Variants in MAPK10 observed in about 807,000 individuals in gnomAD.
MAPK10 encodes the protein mitogen-activated protein kinase 10, also known as JNK3 alpha protein kinase.
Under a neutral mutation model 59.3 loss-of-function variants are expected in MAPK10, and 25 were observed. The observed-to-expected ratio is 0.42, with a 90% confidence interval of 0.31 to 0.59. The LOEUF (loss-of-function observed/expected upper bound fraction) is 0.59, where lower values mean the gene tolerates loss of function less well. Among genes scored for constraint, MAPK10 ranks in the 20% least tolerant of loss-of-function variants. The probability of loss-of-function intolerance (pLI) is 0.15; values close to 1 mark genes in which losing one functional copy is unlikely to be tolerated. For missense variants in MAPK10, 351 were observed against 568.9 expected (o/e 0.62, Z 3.90); for synonymous variants, 190 against 200.5 (o/e 0.95, Z 0.44).
At chr4:86,091,147 C>A (rs888116307) in intron 9 of MAPK10, 1 of 151,460 alleles carries the variant, frequency 6.6e-6, no homozygotes, top group Admixed American at 6.6e-5. Flanking sequence ...CATAGCAAGT[C>A]CCCAATAAAT....
intron 1 of MAPK10, among the ~76,000 whole-genome samples, chr4:86,480,766 A>C (rs928834191): frequency 2.0e-5 from 3 of 152,226 alleles, no homozygotes; most frequent in Non-Finnish European, 4.4e-5. Context: ...TCTTGCAACA[A>C]AAGACAGGTT....
At chr4:86,082,040 T>C (rs1322125494) in intron 9 of MAPK10, 3 of 152,160 alleles carry the variant, frequency 2.0e-5, no homozygotes, top group Non-Finnish European at 4.4e-5. Context: ...TAATGTTAAT[T>C]TTTTAAAAAG....
At chr4:86,227,537 A>C (rs1357968651) in intron 2 of MAPK10, among the ~76,000 whole-genome samples, 1 of 151,980 alleles carries the variant, frequency 6.6e-6, no homozygotes. Flanking sequence ...AGACGCATAG[A>C]TGGTACTATT....
chr4:86,199,819 A>T (rs1010409492), intron 2 of MAPK10, among the ~76,000 whole-genome samples: 1 of 152,030 alleles, frequency 6.6e-6, no homozygotes, highest in Non-Finnish European at 1.5e-5. Flanking sequence ...TTGTGTATGC[A>T]TGGATGTGTA....
intron 1 of MAPK10, among the ~76,000 whole-genome samples, chr4:86,359,256 T>G (rs1287813223): frequency 1.8e-5 from 1 of 56,302 alleles, no homozygotes; most frequent in Non-Finnish European, 4.8e-5. Context: ...TTTGGTGTTT[T>G]TTTTTTCCTC....
intron 1 of MAPK10, among the ~76,000 whole-genome samples, chr4:86,418,571 T>C (rs144564864): frequency 0.013 from 1,956 of 152,334 alleles, 9 homozygotes; most frequent in Non-Finnish European, 0.015. Flanking sequence ...CTCCTCCTTT[T>C]GTTTTTAACA....
At chr4:86,489,847 T>G (rs545831104) in intron 1 of MAPK10, among the ~76,000 whole-genome samples, 1 of 152,278 alleles carries the variant, frequency 6.6e-6, no homozygotes, top group South Asian at 2.1e-4. Flanking sequence ...TCCACCAAAA[T>G]CCACACATCC....
At chr4:86,421,419 G>A (rs1746524374) in intron 1 of MAPK10, among the ~76,000 whole-genome samples, 2 of 152,152 alleles carry the variant, frequency 1.3e-5, no homozygotes, top group South Asian at 4.1e-4. Flanking sequence ...ATCCCTGTTT[G>A]TTGAGACGGT....
At chr4:86,185,927 A>G (rs1362731825) in intron 3 of MAPK10, among the ~76,000 whole-genome samples, 1 of 152,074 alleles carries the variant, frequency 6.6e-6, no homozygotes, top group African/African-American at 2.4e-5. Flanking sequence ...CTAAGTGGAG[A>G]TGTAGAACAG....
intron 2 of MAPK10, among the ~76,000 whole-genome samples, chr4:86,207,549 T>G (rs1443031858): frequency 6.6e-6 from 1 of 152,162 alleles, no homozygotes; most frequent in South Asian, 2.1e-4. Context: ...TGGTTCCATA[T>G]GAACTTTAAA....
chr4:86,027,852 A>G (rs748374138), intron 13 of MAPK10: 3 of 152,218 alleles, frequency 2.0e-5, no homozygotes, highest in Non-Finnish European at 4.4e-5. Context: ...TATAGAAAGG[A>G]AAGATCCTAT....
At chr4:86,532,046 T>C (rs527558812) in intron 1 of MAPK10, among the ~76,000 whole-genome samples, 1 of 147,782 alleles carries the variant, frequency 6.8e-6, no homozygotes, top group East Asian at 2.0e-4. Flanking sequence ...ATTACATATA[T>C]ATATTATTTT....
chr4:86,412,980 G>A (rs918630181), intron 1 of MAPK10, among the ~76,000 whole-genome samples: 1 of 152,158 alleles, frequency 6.6e-6, no homozygotes, highest in African/African-American at 2.4e-5. Flanking sequence ...AGGAGAAGAG[G>A]CGCTCCGGTT....
chr4:86,082,622 A>G (rs1413677204), intron 9 of MAPK10, among the ~76,000 whole-genome samples: 1 of 152,208 alleles, frequency 6.6e-6, no homozygotes, highest in Admixed American at 6.5e-5. Flanking sequence ...AAATGGCTGA[A>G]GGCAGCCAAA....
intron 2 of MAPK10, among the ~76,000 whole-genome samples, chr4:86,234,943 G>A (rs749734509): frequency 1.7e-3 from 260 of 151,952 alleles, no homozygotes; most frequent in Non-Finnish European, 2.9e-3. Flanking sequence ...ATGCAGTAAC[G>A]GATTAGGAGA....
At chr4:86,427,622 A>C (rs1395291944) in intron 1 of MAPK10, among the ~76,000 whole-genome samples, 1 of 152,244 alleles carries the variant, frequency 6.6e-6, no homozygotes, top group Non-Finnish European at 1.5e-5. Flanking sequence ...GAAGAGGATT[A>C]AAATGTTTCA....
chr4:86,293,464 C>G (rs537990998), intron 2 of MAPK10, among the ~76,000 whole-genome samples: 2 of 152,200 alleles, frequency 1.3e-5, no homozygotes, highest in Non-Finnish European at 2.9e-5. Context: ...GGCAACAATA[C>G]TAGTAACCCT....
At chr4:86,574,052 A>G (rs375165499) in intron 1 of MAPK10, among the ~76,000 whole-genome samples, 1 of 150,596 alleles carries the variant, frequency 6.6e-6, no homozygotes, top group African/African-American at 2.4e-5. Flanking sequence ...CTATCCTTCC[A>G]CCCTCCCTCC....
intron 7 of MAPK10, 24 bp downstream of exon 7, chr4:86,101,870 T>C: frequency 6.2e-7 from 1 of 1,612,604 alleles, no homozygotes; most frequent in Non-Finnish European, 8.5e-7. Flanking sequence ...ATTTGAATTG[T>C]AATCCTAGAG....
Sources: gnomAD v4.1 joint callset for allele counts (sites outside exome capture counted in the v4.1 genomes callset) on GRCh38, gnomAD v4.1.1 for gene constraint, MANE v1.5 for transcripts, NCBI Gene and HGNC (gene_info 2026-07-23, HGNC 2026-07-21) for gene names.